Variants in ERCC6L2 observed in about 807,000 individuals in gnomAD.
The protein encoded by ERCC6L2 is ERCC excision repair 6 like 2, also known as DNA excision repair protein ERCC-6-like 2.
A neutral mutation model predicts 132.0 loss-of-function variants in ERCC6L2; 77 were observed. That is an observed-to-expected ratio of 0.58 (90% confidence interval 0.49 to 0.71). The LOEUF (loss-of-function observed/expected upper bound fraction) is 0.71. Among genes scored for constraint, ERCC6L2 ranks in the 30% least tolerant of loss-of-function variants. The probability of loss-of-function intolerance (pLI) is 0.00; values close to 1 mark genes in which losing one functional copy is unlikely to be tolerated. For missense variants in ERCC6L2, 1,542 were observed against 1,837.6 expected, an observed-to-expected ratio of 0.84 and a Z score of 2.94; for synonymous variants, 583 against 632.4, an observed-to-expected ratio of 0.92 and a Z score of 1.17.
intron 18 of ERCC6L2, among the ~76,000 whole-genome samples, chr9:96,005,149 TA>T (rs1644254275): frequency 6.6e-6 from 1 of 152,024 alleles, no homozygotes; most frequent in African/African-American, 2.4e-5. Context: ...CCGTCTCTAC[TA>T]AAAATGCAAA....
At position 96,018,073 on chromosome 9, in the gene ERCC6L2, AG is replaced by A. The variant is rs1216864345; in HGVS notation, c.*4871del. Reference sequence around the variant, plus strand: ...GAGACAAAGTAGAATGGTGGTTGCTAGACGCTGGAGGGAGGGGAGAAAGGGG... The same window carrying A: ...GAGACAAAGTAGAATGGTGGTTGCTAACGCTGGAGGGAGGGGAGAAAGGGG... On this transcript the variant is annotated 3_prime_UTR_variant, in exon 19 of 19. Coordinates refer to ENST00000653738, the MANE Select transcript of ERCC6L2 (RefSeq NM_020207.7). Among the ~76,000 whole-genome samples the A allele has an allele frequency of 6.6e-6, 1 of 152,182 alleles. No homozygotes were observed. The highest frequency in any genetic ancestry group is 1.5e-5 in the Non-Finnish European group (1 of 68,012).
intron 3 of ERCC6L2, chr9:95,906,614 G>A: frequency 2.2e-6 from 1 of 454,432 alleles, no homozygotes; most frequent in Non-Finnish European, 4.4e-6. Flanking sequence ...TTAACTGAGA[G>A]TATCTGAAAG....
chr9:95,999,222 G>C (rs533202706), intron 17 of ERCC6L2, among the ~76,000 whole-genome samples: 2 of 152,104 alleles, frequency 1.3e-5, no homozygotes, highest in Non-Finnish European at 2.9e-5. Flanking sequence ...TTAGCCAGGC[G>C]TGGTGGTGGG....
intron 4 of ERCC6L2, among the ~76,000 whole-genome samples, chr9:95,912,682 A>G (rs749198166): frequency 1.6e-4 from 25 of 152,210 alleles, no homozygotes; most frequent in Non-Finnish European, 2.9e-4. Flanking sequence ...GCAGGATTCA[A>G]TAAAGGTTCA....
intron 3 of ERCC6L2, chr9:95,906,483 A>T: frequency 5.8e-6 from 2 of 345,212 alleles, no homozygotes; most frequent in South Asian, 4.5e-5. Context: ...CCATGGCAAC[A>T]GGTGGGAGGG....
Position 95,897,835 on chromosome 9 carries a change from T to A in ERCC6L2, c.472-14T>A. On this transcript the variant is annotated splice_polypyrimidine_tract_variant and intron_variant, in intron 2 of 18. Transcript: ENST00000653738. ...ACATTATACACAGTGATTGAAAAAG[T>A]CTTTTTTCCCCAGGTTATTTCATTT... 6.2e-7 allele frequency: 1 copy of A among 1,611,994 alleles called. No homozygotes were observed. The highest frequency in any genetic ancestry group is 8.5e-7 in the Non-Finnish European group (1 of 1,179,160).
intron 17 of ERCC6L2, among the ~76,000 whole-genome samples, chr9:96,003,547 A>T (rs1386488956): frequency 6.6e-6 from 1 of 152,110 alleles, no homozygotes; most frequent in African/African-American, 2.4e-5. Context: ...TTGACTCCTC[A>T]TTCCTGTTTT....
At chr9:95,966,757 C>T in intron 14 of ERCC6L2, 43 bp downstream of exon 14, 3 of 1,348,614 alleles carry the variant, frequency 2.2e-6, no homozygotes, top group Non-Finnish European at 2.9e-6. Context: ...ATTTTAAATA[C>T]AGTTTTTCTT....
chr9:96,012,529 T>G lies in ERCC6L2; in HGVS notation c.3979T>G (p.Cys1327Gly). The change falls in exon 19 of 19, where the codon TGC becomes GGC. Residue 1327 changes from cysteine (C) to glycine (G), a missense_variant. By Grantham distance (159) the Cys-to-Gly change is radical. Transcript: ENST00000653738. The stretch of plus-strand genomic sequence containing the variant: ...TTCTACCAACAAAATTTCTCAAGTT[T>G]GCAGCCTAAAAACATATAAAAGAAA... ...KDSTNKISQV[C>G]SLKTYKRKSV... 7.3e-7 allele frequency: 1 copy of G among 1,367,494 alleles called. No individual in the cohort carries two copies. The highest frequency in any genetic ancestry group is 9.8e-7 in the Non-Finnish European group (1 of 1,021,790). The allele number at this position is 1,367,494 out of a possible 1,614,324, so 84.7% of individuals were successfully genotyped here. A position where few individuals can be genotyped will look rare whatever the true frequency, so the allele number is the denominator to read the frequency against.
chr9:95,948,445 G>A (rs1322150658), intron 12 of ERCC6L2, among the ~76,000 whole-genome samples: 1 of 152,154 alleles, frequency 6.6e-6, no homozygotes, highest in Non-Finnish European at 1.5e-5. Flanking sequence ...TTGAGGTCAG[G>A]AGTTTGAGAC....
At position 96,013,293 on chromosome 9, in the gene ERCC6L2, T is replaced by C. The variant is rs1834099699; in HGVS notation, c.*90T>C. On this transcript the variant is annotated 3_prime_UTR_variant, in exon 19 of 19. Coordinates refer to ENST00000653738, the MANE Select transcript of ERCC6L2 (RefSeq NM_020207.7). The stretch of plus-strand genomic sequence containing the variant: ...ACTGATTCTATTATCTTGAACACAG[T>C]TGTTGACATATATTTTTATTAAATT... 9.2e-7 allele frequency: 1 copy of C among 1,083,054 alleles called. No homozygotes were observed. The highest frequency in any genetic ancestry group is 1.7e-5 in the South Asian group (1 of 60,528). 67.1% of individuals were successfully genotyped at this position (1,083,054 alleles called of 1,614,324 possible). A position where few individuals can be genotyped will look rare whatever the true frequency, so the allele number is the denominator to read the frequency against.
intron 4 of ERCC6L2, among the ~76,000 whole-genome samples, chr9:95,913,566 A>G (rs767734939): frequency 6.6e-6 from 1 of 152,166 alleles, no homozygotes; most frequent in African/African-American, 2.4e-5. Context: ...TGTAAGTTAG[A>G]ATGATTTTTA....
At chr9:95,932,512 C>T (rs1324560303) in intron 11 of ERCC6L2, among the ~76,000 whole-genome samples, 1 of 151,708 alleles carries the variant, frequency 6.6e-6, no homozygotes, top group Non-Finnish European at 1.5e-5. Flanking sequence ...GGCATTTTTC[C>T]TGGGGTTTGT....
chr9:95,888,875 A>C (rs1828014271), intron 2 of ERCC6L2, among the ~76,000 whole-genome samples: 1 of 152,200 alleles, frequency 6.6e-6, no homozygotes, highest in South Asian at 2.1e-4. Context: ...GCATTACCAC[A>C]ATACCTATTA....
chr9:96,001,281 G>T (rs572228528), intron 17 of ERCC6L2, among the ~76,000 whole-genome samples: 1 of 152,152 alleles, frequency 6.6e-6, no homozygotes, highest in Non-Finnish European at 1.5e-5. Context: ...ATGCTGGCTC[G>T]GGCAGCCTGC....
At chr9:95,914,371 TTGAGACGGAGTCTTGCTGTG>T (rs1226688727) in intron 4 of ERCC6L2, among the ~76,000 whole-genome samples, 1 of 152,206 alleles carries the variant, frequency 6.6e-6, no homozygotes, top group Non-Finnish European at 1.5e-5. Flanking sequence ...ATTTTTTTTT[TTGAGACGGAGTCTTGCTGTG>T]TCACCAGGCT....
chr9:95,922,271 G>A (rs564791076), intron 7 of ERCC6L2, 34 bp from the exon 8 acceptor site: 3 of 1,137,880 alleles, frequency 2.6e-6, no homozygotes, highest in East Asian at 2.4e-5. Flanking sequence ...AGCTATGCTG[G>A]TCCTTTTTAT....
intron 16 of ERCC6L2, among the ~76,000 whole-genome samples, chr9:95,976,464 G>A (rs760562952): frequency 1.3e-5 from 2 of 152,132 alleles, no homozygotes; most frequent in Non-Finnish European, 2.9e-5. Context: ...CTGTTCTCCA[G>A]CTGGCCCCTT....
intron 11 of ERCC6L2, among the ~76,000 whole-genome samples, chr9:95,940,781 TGTTG>T (rs1271902566): frequency 6.6e-6 from 1 of 152,206 alleles, no homozygotes; most frequent in East Asian, 1.9e-4. Flanking sequence ...ATTTAAATCC[TGTTG>T]GTTGGTCAGT....
Sources: allele counts gnomAD v4.1 joint callset (sites outside exome capture counted in the v4.1 genomes callset), GRCh38; gene constraint gnomAD v4.1.1; transcripts MANE v1.5; gene names NCBI Gene and HGNC (gene_info 2026-07-23, HGNC 2026-07-21).